FRAS1: variants seen among roughly 807,000 people sequenced by gnomAD.
The protein encoded by FRAS1 is Fraser extracellular matrix complex subunit 1.
FRAS1 carries 290 observed loss-of-function variants against 435.2 expected under a neutral mutation model. The ratio of observed to expected loss-of-function variants is 0.67; its 90% CI spans 0.61 to 0.73. FRAS1 has a LOEUF of 0.73. FRAS1 is among the 30% of genes least tolerant of loss of function. The probability of loss-of-function intolerance (pLI) is 0.00; values close to 1 mark genes in which losing one functional copy is unlikely to be tolerated. For synonymous variants in FRAS1, 1,800 were observed against 1,851.0 expected (o/e 0.97, Z 0.71); for missense variants, 4,860 against 5,001.5 (o/e 0.97, Z 0.85).
At chr4:78,105,984 G>A (rs1445290338) in intron 2 of FRAS1, among the ~76,000 whole-genome samples, 1 of 134,698 alleles carries the variant, frequency 7.4e-6, no homozygotes, top group Non-Finnish European at 1.6e-5. Flanking sequence ...AGAAAGGGGT[G>A]ACGGATGCAC....
chr4:78,451,935 T>G (rs748489972), intron 46 of FRAS1, 44 bp downstream of exon 46: 2 of 1,559,168 alleles, frequency 1.3e-6, no homozygotes, highest in Non-Finnish European at 1.7e-6. Flanking sequence ...ATTTTAGCAG[T>G]TCTGAGGTTA....
chr4:78,487,265 T>C lies in FRAS1; in HGVS notation c.8753-1610T>C, dbSNP rs183631213. ...TATCATCTGACTTTTCATTTAGTAA[T>C]GATTAGTAACTATTAAGCTTAGTTC... On this transcript the variant is annotated intron_variant, in intron 58 of 73. Transcript: ENST00000512123. 2.8e-3 allele frequency among the ~76,000 whole-genome samples: 428 copies of C among 152,336 alleles called. 9 individuals are homozygous for C. The highest frequency in any genetic ancestry group is 0.026 in the Admixed American group (398 of 15,292).
intron 9 of FRAS1, among the ~76,000 whole-genome samples, chr4:78,270,919 A>G (rs1184711315): frequency 1.2e-4 from 18 of 152,154 alleles, no homozygotes; most frequent in Admixed American, 1.2e-3. Flanking sequence ...AGTAATCTAT[A>G]TAACTCCAAA....
intron 47 of FRAS1, among the ~76,000 whole-genome samples, chr4:78,455,113 C>T (rs1011809587): frequency 1.3e-5 from 2 of 152,196 alleles, no homozygotes; most frequent in Non-Finnish European, 2.9e-5. Flanking sequence ...CTTCTCTTTG[C>T]TCTGAGGGGC....
intron 2 of FRAS1, among the ~76,000 whole-genome samples, chr4:78,205,992 CTT>C (rs2110080345): frequency 6.6e-6 from 1 of 152,254 alleles, no homozygotes; most frequent in Non-Finnish European, 1.5e-5. Flanking sequence ...TAGTGGACAA[CTT>C]AATATTTTCA....
chr4:78,315,941 A>T (rs558020539), intron 16 of FRAS1, among the ~76,000 whole-genome samples: 21 of 152,310 alleles, frequency 1.4e-4, no homozygotes, highest in African/African-American at 4.3e-4. Flanking sequence ...GAGTGCTTTC[A>T]TGAAGGACTT....
intron 61 of FRAS1, among the ~76,000 whole-genome samples, chr4:78,505,132 G>A (rs1720794282): frequency 6.6e-6 from 1 of 152,178 alleles, no homozygotes; most frequent in Non-Finnish European, 1.5e-5. Flanking sequence ...TGGGTAATCC[G>A]ACCTTTCTCT....
intron 7 of FRAS1, 76 bp downstream of exon 7, chr4:78,265,184 C>A: frequency 1.2e-6 from 1 of 838,636 alleles, no homozygotes; most frequent in Non-Finnish European, 1.9e-6. Flanking sequence ...CTCCAGCCAC[C>A]ATAAGTCACC....
chr4:78,536,624 T>C (rs1464707229), intron 71 of FRAS1, among the ~76,000 whole-genome samples: 2 of 152,176 alleles, frequency 1.3e-5, no homozygotes, highest in East Asian at 1.9e-4. Context: ...TAGTATGAGT[T>C]TGATAAATAT....
chr4:78,372,661 T>G, intron 23 of FRAS1, 57 bp from the exon 24 acceptor site: 1 of 1,599,488 alleles, frequency 6.3e-7, no homozygotes. Flanking sequence ...ATAAATGAAC[T>G]GCTGGGTCTG....
At chr4:78,099,930 A>AT (rs1317831900) in intron 2 of FRAS1, among the ~76,000 whole-genome samples, 1 of 152,018 alleles carries the variant, frequency 6.6e-6, no homozygotes, top group Admixed American at 6.6e-5. Context: ...AGAAAAGGAA[A>AT]TTTTTTCTGG....
chr4:78,387,497 C>A lies in FRAS1; in HGVS notation c.3771C>A (p.Ile1257=), dbSNP rs374612351. ...CACAGGATGTGGTCATTGAAATAAT[C>A]GATCCTCCACTTCATGGCCAATTGC... ...DNPQDVVIEI[I]DPPLHGQLLQ... Residue 1257 remains isoleucine, a synonymous_variant, in exon 29 of 74, where the codon ATC becomes ATA. Transcript: ENST00000512123. 364 of 1,613,548 alleles carry A rather than the reference C, an allele frequency of 2.3e-4. No individual in the cohort carries two copies. Among genetic ancestry groups the A allele is most frequent in the Non-Finnish European group, 2.9e-4 (345 of 1,179,796 alleles).
intron 59 of FRAS1, among the ~76,000 whole-genome samples, chr4:78,496,210 T>C (rs1720503283): frequency 6.6e-6 from 1 of 152,214 alleles, no homozygotes; most frequent in Admixed American, 6.5e-5. Flanking sequence ...TTGGTTTCTT[T>C]CCATCAAACA....
intron 22 of FRAS1, among the ~76,000 whole-genome samples, chr4:78,365,749 A>C (rs1248804148): frequency 3.1e-4 from 32 of 102,456 alleles, no homozygotes; most frequent in Admixed American, 6.2e-4. Context: ...AAAAAAAAAA[A>C]ACAAAAAAAA....
intron 4 of FRAS1, among the ~76,000 whole-genome samples, chr4:78,251,169 G>C (rs573050747): frequency 2.0e-5 from 3 of 152,146 alleles, no homozygotes; most frequent in Admixed American, 2.0e-4. Flanking sequence ...TCTTTTATTG[G>C]CCCACAGTTT....
rs12332067 is a variant in FRAS1 at position 78,526,300 on chromosome 4, G to A, written c.10809-241G>A. On this transcript the variant is annotated intron_variant, in intron 69 of 73. Transcript: ENST00000512123. ...TCTGCCTTTCTTAGCTTTCCTCATAGGAAGGACCTGAATACCTGAATACAT... is the reference window on the plus strand; with the variant it reads ...TCTGCCTTTCTTAGCTTTCCTCATAAGAAGGACCTGAATACCTGAATACAT... Among the ~76,000 whole-genome samples, 58,079 of 151,946 alleles carry A rather than the reference G, an allele frequency of 0.38. 11,371 individuals are homozygous for A. The highest frequency in any genetic ancestry group is 0.54 in the South Asian group (2,598 of 4,814).
Position 78,306,041 on chromosome 4 carries a change from C to G in FRAS1, c.1535-2025C>G, listed in dbSNP as rs191516369. ...ATGTTTAGCGCTTCCTTCAGGAGCT[C>G]TTTTATGGTAGGCCTGGTGGTGACA... On this transcript the variant is annotated intron_variant, in intron 14 of 73. Coordinates refer to ENST00000512123, the MANE Select transcript of FRAS1 (RefSeq NM_025074.7). 2.3e-3 allele frequency among the ~76,000 whole-genome samples: 343 copies of G among 151,614 alleles called. 1 individual carries two copies. Among genetic ancestry groups the G allele is most frequent in the African/African-American group, 8.0e-3 (330 of 41,290 alleles).
At chr4:78,172,319 A>G (rs1721593711) in intron 2 of FRAS1, among the ~76,000 whole-genome samples, 1 of 152,168 alleles carries the variant, frequency 6.6e-6, no homozygotes, top group Non-Finnish European at 1.5e-5. Flanking sequence ...TCTATTTAAC[A>G]TATGTTATTT....
At chr4:78,195,811 G>C (rs1417517142) in intron 2 of FRAS1, among the ~76,000 whole-genome samples, 1 of 152,106 alleles carries the variant, frequency 6.6e-6, no homozygotes, top group East Asian at 1.9e-4. Context: ...TCCCCAGTGA[G>C]ATGCACCTGG....
Sources: gnomAD v4.1 joint callset for allele counts (sites outside exome capture counted in the v4.1 genomes callset) on GRCh38, gnomAD v4.1.1 for gene constraint, MANE v1.5 for transcripts, NCBI Gene and HGNC (gene_info 2026-07-23, HGNC 2026-07-21) for gene names.